The following PPRC1 variants were observed in gnomAD, a reference collection of about 807,000 sequenced individuals.
PPRC1 encodes the protein PPARG related coactivator 1, also known as peroxisome proliferator-activated receptor gamma coactivator-related protein 1.
In PPRC1, 23 loss-of-function variants were observed where a neutral mutation model predicts 132.5. The ratio of observed to expected loss-of-function variants is 0.17; its 90% CI spans 0.12 to 0.25. The LOEUF (loss-of-function observed/expected upper bound fraction) is 0.25. Ranked by LOEUF, PPRC1 falls within the 10% of genes least tolerant of loss-of-function variation. The probability of loss-of-function intolerance (pLI) is 1.00; values close to 1 mark genes in which losing one functional copy is unlikely to be tolerated. For missense variants in PPRC1, 2,006 were observed against 2,089.1 expected (o/e 0.96, Z 0.78); for synonymous variants, 872 against 833.5 (o/e 1.05, Z -0.80).
the PPRC1 span, among the ~76,000 whole-genome samples, chr10:102,125,905 C>A: frequency 2.0e-5 from 3 of 151,014 alleles, no homozygotes; most frequent in South Asian, 6.3e-4. Context: ...TCTTGTTGCC[C>A]AGGCTGGAGT....
chr10:102,132,436 G>A (rs1013166508), upstream of PPRC1, among the ~76,000 whole-genome samples: 2 of 152,212 alleles, frequency 1.3e-5, no homozygotes, highest in African/African-American at 4.8e-5. Context: ...CGACATATAG[G>A]CAGGAGAACA....
chr10:102,135,278 A>G (rs1283513082), intron 1 of PPRC1, among the ~76,000 whole-genome samples: 1 of 152,160 alleles, frequency 6.6e-6, no homozygotes, highest in Non-Finnish European at 1.5e-5. Flanking sequence ...TTATTGGAGA[A>G]ACCGAGACCT....
chr10:102,121,038 C>T, the PPRC1 span, among the ~76,000 whole-genome samples: 10 of 152,188 alleles, frequency 6.6e-5, no homozygotes, highest in Non-Finnish European at 1.2e-4. Context: ...AAATTAACCA[C>T]TCCTCCTTTG....
At position 102,148,650 on chromosome 10, in the gene PPRC1, G is replaced by A; in HGVS notation, c.4573G>A (p.Asp1525Asn). ...CAGGTACAGCTCTTATCGTTCACAT[G>A]ACCATTACCAAAGGCAAAGAGTGCT... ...RRRYSSYRSH[D>N]HYQRQRVLQK... Residue 1525 changes from aspartate to asparagine, a missense_variant, in exon 11 of 14, where the codon GAC becomes AAC. By Grantham distance (23) the Asp-to-Asn change is conservative. This residue lies in a region of PPRC1 where 1,914 missense variants were observed against 1,917.2 expected (regional missense o/e 1.00). Coordinates refer to ENST00000278070, the MANE Select transcript of PPRC1 (RefSeq NM_015062.5). This position sits in a 1 kb window ranked among gnomAD's most constrained non-coding sequence, Gnocchi z 4.2. The A allele has an allele frequency of 6.2e-7, 1 of 1,614,118 alleles. No individual in the cohort carries two copies. Among genetic ancestry groups the A allele is most frequent in the African/African-American group, 1.3e-5 (1 of 75,032 alleles).
chr10:102,147,260 G>C lies in PPRC1; in HGVS notation c.4268G>C (p.Arg1423Pro). The change falls in exon 9 of 14, where the codon CGA becomes CCA. Residue 1423 changes from arginine to proline, a missense_variant. Physicochemically the swap from Arg to Pro is moderately radical, Grantham distance 103 (BLOSUM62 -2). Transcript: ENST00000278070. ...TCAAGCCAGGGCTGGCAGGGCCGCC[G>C]AGGCCGCAACAGCCGTTCTGTCAGC... ...SPSSQGWQGR[R>P]GRNSRSVSSG... is the part of the protein sequence containing the mutation. 6.2e-7 allele frequency: 1 copy of C among 1,612,994 alleles called. No homozygotes were observed.
In PPRC1 at chr10:102,148,935, A is replaced by G. The variant is rs749130692; in HGVS notation, c.4736A>G (p.Gln1579Arg). Residue 1579 changes from glutamine to arginine, a missense_variant, in exon 12 of 14, where the codon CAA becomes CGA. By Grantham distance (43) the Gln-to-Arg change is conservative (BLOSUM62 1). Coordinates refer to ENST00000278070, the MANE Select transcript of PPRC1 (RefSeq NM_015062.5). This position sits in a 1 kb window ranked among gnomAD's most constrained non-coding sequence, Gnocchi z 4.2. ...IEECTIHFRV[Q>R]GDNYGFVTYR... ...GAGTGCACCATCCACTTCCGTGTCC[A>G]AGGGTAAGCTTGGGCCCCAGGCTCA... 69 of 1,613,896 alleles carry G rather than the reference A, an allele frequency of 4.3e-5. No individual in the cohort carries two copies. The Middle Eastern group carries it at 6.6e-4, about 15-fold the overall frequency.
At chr10:102,127,710 C>T in the PPRC1 span, among the ~76,000 whole-genome samples, 3 of 151,410 alleles carry the variant, frequency 2.0e-5, no homozygotes, top group Non-Finnish European at 2.9e-5. Context: ...CCGGCCTGCC[C>T]AGCTGATTTT....
At position 102,145,219 on chromosome 10, in the gene PPRC1, A is replaced by G. The variant is rs2069170452; in HGVS notation, c.3679+129A>G. 5.9e-6 allele frequency: 5 copies of G among 852,068 alleles called. No individual in the cohort carries two copies. In the South Asian group the frequency reaches 7.5e-5, roughly 13 times the overall value. 52.8% of individuals were successfully genotyped at this position (852,068 alleles called of 1,614,324 possible). Reference sequence around the variant, plus strand: ...TGATCTCCAGCCTTGAGATACTCACAGTCTAGGGGGCAGACTTGTAAACGA... The same window carrying G: ...TGATCTCCAGCCTTGAGATACTCACGGTCTAGGGGGCAGACTTGTAAACGA... On this transcript the variant is annotated intron_variant, in intron 8 of 13. Transcript: ENST00000278070.
chr10:102,126,149 A>G, the PPRC1 span, among the ~76,000 whole-genome samples: 1 of 152,000 alleles, frequency 6.6e-6, no homozygotes, highest in African/African-American at 2.4e-5. Context: ...GGCATGAGCC[A>G]CCGCGCCCGG....
At chr10:102,147,422 C>G in intron 9 of PPRC1, 30 bp downstream of exon 9, 2 of 1,566,884 alleles carry the variant, frequency 1.3e-6, no homozygotes. Context: ...TAGGTCCTCT[C>G]CATTTAGGAA....
At chr10:102,131,560 C>T (rs2068543715), upstream of PPRC1, among the ~76,000 whole-genome samples, 3 of 152,102 alleles carry the variant, frequency 2.0e-5, no homozygotes, top group South Asian at 6.2e-4. Flanking sequence ...GAAACTATTC[C>T]ACAGAAAGAT....
chr10:102,130,912 G>A (rs1310952923), upstream of PPRC1, among the ~76,000 whole-genome samples: 3 of 152,032 alleles, frequency 2.0e-5, no homozygotes. Flanking sequence ...GCTGGGCATG[G>A]CCAGGCGTGG....
In PPRC1 at chr10:102,140,138, G is replaced by A. The variant is rs546211042; in HGVS notation, c.1630G>A (p.Ala544Thr). 8 of 1,614,248 alleles carry A rather than the reference G, an allele frequency of 5.0e-6. No individual in the cohort carries two copies. In the Admixed American group the frequency reaches 8.3e-5, roughly 17 times the overall value. The change falls in exon 5 of 14, where the codon GCT becomes ACT. Residue 544 changes from alanine (A) to threonine (T), a missense_variant. Around this residue, in one of 2 missense-constraint regions of PPRC1, gnomAD observed 1,914 missense variants for 1,917.2 expected, o/e 1.00. Coordinates refer to ENST00000278070, the MANE Select transcript of PPRC1 (RefSeq NM_015062.5). ...TAGCCCTAAGAACTTGGAGAGAAGT[G>A]CTGGACAAAGTAGTCCTGCTAAAGA... is the stretch of plus-strand genomic sequence containing the variant. ...NSSPKNLERS[A>T]GQSSPAKEGP... is the part of the protein sequence containing the mutation.
In PPRC1 at chr10:102,147,230, G is replaced by A; in HGVS notation, c.4238G>A (p.Ser1413Asn). The change falls in exon 9 of 14, where the codon AGC (serine) becomes AAC (asparagine). Residue 1413 changes from serine (S) to asparagine (N), a missense_variant. Physicochemically the swap from Ser to Asn is conservative, Grantham distance 46. This residue lies in a region of PPRC1 where 1,914 missense variants were observed against 1,917.2 expected (regional missense o/e 1.00). Coordinates refer to ENST00000278070, the MANE Select transcript of PPRC1 (RefSeq NM_015062.5). ...RCYRKACRSA[S>N]PSSQGWQGRR... ...TACCGAAAAGCCTGCAGGTCAGCCA[G>A]CCCCTCAAGCCAGGGCTGGCAGGGC... 6.2e-7 allele frequency: 1 copy of A among 1,613,132 alleles called. No homozygotes were observed. Among genetic ancestry groups the A allele is most frequent in the Non-Finnish European group, 8.5e-7 (1 of 1,180,020 alleles).
chr10:102,124,406 C>G, the PPRC1 span, among the ~76,000 whole-genome samples: 1 of 152,058 alleles, frequency 6.6e-6, no homozygotes, highest in Non-Finnish European at 1.5e-5. Flanking sequence ...CTCTGTTGCC[C>G]AGGCTGGAGT....
At position 102,139,648 on chromosome 10, in the gene PPRC1, G is replaced by A. The variant is rs752483760; in HGVS notation, c.1140G>A (p.Ser380=). ...PGPRPVLLDD[S]LETSSALQLL... is the part of the protein sequence containing the mutation. The stretch of plus-strand genomic sequence containing the variant: ...CCCGGCCTGTGCTCCTGGATGACTC[G>A]CTAGAGACTAGTTCTGCCTTGCAGC... The change falls in exon 5 of 14, where the codon TCG becomes TCA. Residue 380 remains serine (S), a synonymous_variant. Coordinates refer to ENST00000278070, the MANE Select transcript of PPRC1 (RefSeq NM_015062.5). 1.2e-5 allele frequency: 19 copies of A among 1,613,966 alleles called. No homozygotes were observed. The highest frequency in any genetic ancestry group is 8.0e-5 in the African/African-American group (6 of 75,068).
chr10:102,141,966 G>A lies in PPRC1; in HGVS notation c.3458G>A (p.Gly1153Asp), dbSNP rs185700596. The change falls in exon 5 of 14, where the codon GGT becomes GAT. Residue 1153 changes from glycine (G) to aspartate (D), a missense_variant. Physicochemically the swap from Gly to Asp is moderately conservative, Grantham distance 94. Coordinates refer to ENST00000278070, the MANE Select transcript of PPRC1 (RefSeq NM_015062.5). ...TTCCTGCCTACCCCACGTACTCAGG[G>A]TTCTGAAGATGTGGTACAGGCTTTC... ...LSFLPTPRTQ[G>D]SEDVVQAFIS... 1.2e-6 allele frequency: 2 copies of A among 1,613,510 alleles called. No individual in the cohort carries two copies. Among genetic ancestry groups the A allele is most frequent in the African/African-American group, 2.7e-5 (2 of 74,938 alleles).
chr10:102,138,557 T>C, intron 2 of PPRC1, 62 bp from the exon 3 acceptor site: 1 of 1,577,570 alleles, frequency 6.3e-7, no homozygotes, highest in Non-Finnish European at 8.7e-7. Context: ...TATCCAGTCC[T>C]TAGTGGCATA....
the PPRC1 span, among the ~76,000 whole-genome samples, chr10:102,127,035 A>ATATATATG: frequency 1.9e-5 from 1 of 52,254 alleles, no homozygotes; most frequent in African/African-American, 4.4e-5. Flanking sequence ...ATATATATAT[A>ATATATATG]TATATATATA....
Sources: allele counts gnomAD v4.1 joint callset (sites outside exome capture counted in the v4.1 genomes callset), GRCh38; gene constraint gnomAD v4.1.1; regional missense constraint gnomAD v4.1.1; non-coding constraint Gnocchi (gnomAD v3.1); transcripts MANE v1.5; gene names NCBI Gene and HGNC (gene_info 2026-07-23, HGNC 2026-07-21).